The following ALPK2 variants were observed in gnomAD, a reference collection of about 807,000 sequenced individuals.
The protein encoded by ALPK2 is alpha-protein kinase 2.
Under a neutral mutation model 163.1 loss-of-function variants are expected in ALPK2, and 127 were observed. The ratio of observed to expected loss-of-function variants is 0.78; its 90% CI spans 0.67 to 0.90. ALPK2 has a LOEUF of 0.90. Among genes scored for constraint, ALPK2 ranks in the 40% least tolerant of loss-of-function variants. ALPK2 has a pLI of 0.00. For synonymous variants in ALPK2, 953 were observed against 959.1 expected, an observed-to-expected ratio of 0.99 and a Z score of 0.12; for missense variants, 2,360 against 2,589.6, an observed-to-expected ratio of 0.91 and a Z score of 1.92.
intron 2 of ALPK2, among the ~76,000 whole-genome samples, chr18:58,611,263 G>A (rs1314612302): frequency 7.6e-6 from 1 of 132,026 alleles, no homozygotes; most frequent in East Asian, 2.2e-4. Flanking sequence ...GGGTGACAGA[G>A]AAAGACTCCA....
At chr18:58,490,959 G>C (rs73443182) in intron 12 of ALPK2, among the ~76,000 whole-genome samples, 4 of 152,312 alleles carry the variant, frequency 2.6e-5, no homozygotes, top group African/African-American at 9.6e-5. Flanking sequence ...GTTAGTATCT[G>C]AAATGGAAAC....
chr18:58,611,859 G>C (rs1335561477), intron 1 of ALPK2, 42 bp from the exon 2 acceptor site: 10 of 1,268,760 alleles, frequency 7.9e-6, no homozygotes, highest in Non-Finnish European at 9.8e-6. Context: ...TTTGTTCTGG[G>C]ATTTCTCTGG....
chr18:58,602,420 G>C lies in ALPK2; in HGVS notation c.227+4902C>G, dbSNP rs189261101. ...CCAAAATGTCTAAAATCAAGTTGTCGTCAAGCCATGGTCCCTCAAAGGTTC... is the reference window on the plus strand; with the variant it reads ...CCAAAATGTCTAAAATCAAGTTGTCCTCAAGCCATGGTCCCTCAAAGGTTC... On this transcript the variant is annotated intron_variant, in intron 3 of 12. Coordinates refer to ENST00000361673, the MANE Select transcript of ALPK2 (RefSeq NM_052947.4). 6.2e-4 allele frequency among the ~76,000 whole-genome samples: 95 copies of C among 152,266 alleles called. 1 individual carries two copies. The highest frequency in any genetic ancestry group is 2.1e-3 in the African/African-American group (86 of 41,550).
intron 1 of ALPK2, among the ~76,000 whole-genome samples, chr18:58,619,153 G>A (rs561041076): frequency 6.6e-6 from 1 of 152,332 alleles, no homozygotes; most frequent in Non-Finnish European, 1.5e-5. Context: ...GGAGGAAGAA[G>A]ACCATGTCGG....
intron 4 of ALPK2, among the ~76,000 whole-genome samples, chr18:58,549,862 C>G (rs1024757444): frequency 6.6e-6 from 1 of 152,126 alleles, no homozygotes; most frequent in Non-Finnish European, 1.5e-5. Context: ...GTTCCTGTGT[C>G]CTGAAAGGGA....
At chr18:58,533,743 A>G (rs536427938) in intron 5 of ALPK2, among the ~76,000 whole-genome samples, 1 of 152,308 alleles carries the variant, frequency 6.6e-6, no homozygotes, top group African/African-American at 2.4e-5. Flanking sequence ...GGTGTGAGCC[A>G]CAATGCCGAG....
chr18:58,528,734 A>C, intron 6 of ALPK2: 1 of 234,408 alleles, frequency 4.3e-6, no homozygotes, highest in South Asian at 5.5e-5. Flanking sequence ...AACACACCCA[A>C]GTTAAATTCA....
At chr18:58,484,617 G>A (rs1022438615) in intron 12 of ALPK2, among the ~76,000 whole-genome samples, 4 of 152,116 alleles carry the variant, frequency 2.6e-5, no homozygotes, top group African/African-American at 7.2e-5. Flanking sequence ...GGTGGCATGC[G>A]CCTGTAGTCC....
chr18:58,518,664 G>T (rs1231964624), intron 8 of ALPK2, among the ~76,000 whole-genome samples: 1 of 152,102 alleles, frequency 6.6e-6, no homozygotes, highest in African/African-American at 2.4e-5. Context: ...AAGAACAAAG[G>T]TTAATGACTG....
At chr18:58,555,699 G>A (rs370213088) in intron 4 of ALPK2, among the ~76,000 whole-genome samples, 23 of 152,280 alleles carry the variant, frequency 1.5e-4, no homozygotes, top group Admixed American at 2.6e-4. Context: ...CATGAGGCCC[G>A]AAGAACCCCA....
At chr18:58,596,735 C>T (rs2052043150) in intron 3 of ALPK2, among the ~76,000 whole-genome samples, 1 of 152,238 alleles carries the variant, frequency 6.6e-6, no homozygotes, top group Non-Finnish European at 1.5e-5. Flanking sequence ...TGTGGAATGG[C>T]TCTTTTGCCT....
At chr18:58,484,406 C>T (rs113644187) in intron 12 of ALPK2, among the ~76,000 whole-genome samples, 33 of 152,208 alleles carry the variant, frequency 2.2e-4, no homozygotes, top group African/African-American at 7.2e-4. Flanking sequence ...ATGATGAATA[C>T]GATGCAGGGG....
At chr18:58,605,905 TC>T (rs1423838061) in intron 3 of ALPK2, among the ~76,000 whole-genome samples, 1 of 152,228 alleles carries the variant, frequency 6.6e-6, no homozygotes, top group Non-Finnish European at 1.5e-5. Flanking sequence ...GTTATTTACC[TC>T]CATCTCTAGC....
At chr18:58,591,356 T>C (rs2144210085) in intron 3 of ALPK2, among the ~76,000 whole-genome samples, 1 of 152,334 alleles carries the variant, frequency 6.6e-6, no homozygotes, top group South Asian at 2.1e-4. Flanking sequence ...GTCTACCATG[T>C]ATAAAGCATT....
At chr18:58,498,954 A>G (rs1306996690) in intron 11 of ALPK2, among the ~76,000 whole-genome samples, 2 of 152,304 alleles carry the variant, frequency 1.3e-5, no homozygotes, top group East Asian at 1.9e-4. Flanking sequence ...GTTTAGTTCA[A>G]AGCCAAACTT....
intron 1 of ALPK2, among the ~76,000 whole-genome samples, chr18:58,624,434 T>G (rs2052218176): frequency 1.4e-5 from 2 of 147,366 alleles, no homozygotes; most frequent in South Asian, 4.4e-4. Flanking sequence ...TTAGGTAGTT[T>G]GAGTTGATTT....
intron 3 of ALPK2, among the ~76,000 whole-genome samples, chr18:58,587,307 T>A (rs2051992461): frequency 6.6e-6 from 1 of 152,142 alleles, no homozygotes; most frequent in African/African-American, 2.4e-5. Context: ...TGTGGGAGAA[T>A]CTCATTTCCA....
intron 12 of ALPK2, among the ~76,000 whole-genome samples, chr18:58,485,019 C>G (rs1478673069): frequency 6.6e-6 from 1 of 151,932 alleles, no homozygotes. Context: ...CATGTAGGGC[C>G]CAGTACAAAA....
intron 3 of ALPK2, among the ~76,000 whole-genome samples, chr18:58,591,060 A>G (rs2052012554): frequency 6.6e-6 from 1 of 152,144 alleles, no homozygotes; most frequent in Admixed American, 6.5e-5. Context: ...GGGACAGCCT[A>G]CCAGAGGTCC....
Sources: gnomAD v4.1 joint callset for allele counts (sites outside exome capture counted in the v4.1 genomes callset) on GRCh38, gnomAD v4.1.1 for gene constraint, MANE v1.5 for transcripts, NCBI Gene and HGNC (gene_info 2026-07-23, HGNC 2026-07-21) for gene names.